Variants in TTN observed in about 807,000 individuals in gnomAD.
TTN encodes connectin.
TTN carries 1,525 observed loss-of-function variants against 3,223.0 expected under a neutral mutation model. The observed-to-expected ratio is 0.47, with a 90% CI of 0.45 to 0.49. The LOEUF (loss-of-function observed/expected upper bound fraction) is 0.49, where lower values mean the gene tolerates loss of function less well. TTN is among the 20% of genes least tolerant of loss of function. TTN has a pLI of 0.00. For synonymous variants in TTN, 14,094 were observed against 15,161.0 expected, an observed-to-expected ratio of 0.93 and a Z score of 5.17; for missense variants, 40,786 against 43,424.0, an observed-to-expected ratio of 0.94 and a Z score of 5.40.
Position 178,602,913 on chromosome 2 carries a change from A to G in TTN, c.54812-323T>C, listed in dbSNP as rs1285093099. Among the ~76,000 whole-genome samples, 4 of 152,024 alleles carry G rather than the reference A, an allele frequency of 2.6e-5. No individual in the cohort carries two copies. In the East Asian group the frequency reaches 5.8e-4, roughly 22 times the overall value. On this transcript the variant is annotated intron_variant, in intron 282 of 362. Coordinates refer to ENST00000589042, the MANE Select transcript of TTN (RefSeq NM_001267550.2). Reference sequence around the variant, plus strand: ...GAGATCCCTTTGAAGAAATTCTACAATAGCCTTTACTGAAAACATGATTTA... The same window carrying G: ...GAGATCCCTTTGAAGAAATTCTACAGTAGCCTTTACTGAAAACATGATTTA...
rs1292226345 is a variant in TTN at position 178,714,369 on chromosome 2, G to T, written c.26405C>A (p.Ala8802Asp). 1 of 1,613,746 alleles carries T rather than the reference G, an allele frequency of 6.2e-7. No individual in the cohort carries two copies. Among genetic ancestry groups the T allele is most frequent in the Non-Finnish European group, 8.5e-7 (1 of 1,179,752 alleles). The change falls in exon 91 of 363, where the codon GCC becomes GAC. Residue 8802 changes from alanine to aspartate, a missense_variant. Coordinates refer to ENST00000589042, the MANE Select transcript of TTN (RefSeq NM_001267550.2). Reference protein sequence around the residue: ...ATLQFSRVEPANAGKYTCQIK... With the variant: ...ATLQFSRVEPDNAGKYTCQIK... ...CTGACAAGTGTATTTTCCAGCATTG[G>T]CTGGTTCCACTCTTGAAAACTGTAA...
In TTN at chr2:178,675,122, A is replaced by C. The variant is rs1386127099; in HGVS notation, c.34538-9T>G. The C allele has an allele frequency of 6.5e-7, 1 of 1,546,064 alleles. No homozygotes were observed. Among genetic ancestry groups the C allele is most frequent in the Non-Finnish European group, 8.7e-7 (1 of 1,150,692 alleles). On this transcript the variant is annotated splice_polypyrimidine_tract_variant and intron_variant, in intron 149 of 362. Transcript: ENST00000589042. ...CTTAGGCACCTCAGGAACTTGAGAG[A>C]CATTGATTATTTTAGACACTTAAAA... is the stretch of plus-strand genomic sequence containing the variant.
intron 8 of TTN, among the ~76,000 whole-genome samples, 191 bp from the exon 9 acceptor site, chr2:178,793,732 G>A (rs888391001): frequency 2.6e-5 from 4 of 152,110 alleles, no homozygotes; most frequent in Admixed American, 6.6e-5. Flanking sequence ...CCCAGGAGGC[G>A]GAGGCTGCAG....
chr2:178,749,124 T>C (rs769501917), intron 47 of TTN: 1 of 1,612,820 alleles, frequency 6.2e-7, no homozygotes, highest in South Asian at 1.1e-5. Context: ...TCAGAAATTC[T>C]CTCAGAGTGA....
intron 240 of TTN, chr2:178,628,765 C>G (rs1272307476): frequency 6.6e-6 from 1 of 152,374 alleles, no homozygotes; most frequent in South Asian, 2.1e-4. Flanking sequence ...TTCCAGATAT[C>G]GCACAGCCCA....
rs1185236077 is a variant in TTN, at chr2:178,715,135, C to A, written c.26051G>T (p.Arg8684Met). Reference protein sequence around the residue: ...VSWYKDKRELRSGKKYKIMSE... With the variant: ...VSWYKDKRELMSGKKYKIMSE... Reference sequence around the variant, plus strand: ...CATTATCTTGTACTTCTTGCCGCTCCTAAGTTCTCTCTTGTCTTTATACCA... The same window carrying A: ...CATTATCTTGTACTTCTTGCCGCTCATAAGTTCTCTCTTGTCTTTATACCA... The change falls in exon 90 of 363, where the codon AGG becomes ATG. Residue 8684 changes from arginine (R) to methionine (M), a missense_variant. Transcript: ENST00000589042. The A allele has an allele frequency of 1.2e-6, 2 of 1,613,712 alleles. No individual in the cohort carries two copies. Among genetic ancestry groups the A allele is most frequent in the Non-Finnish European group, 1.7e-6 (2 of 1,179,722 alleles).
At chr2:178,670,560 T>C (rs1489245160) in intron 156 of TTN, among the ~76,000 whole-genome samples, 1 of 151,990 alleles carries the variant, frequency 6.6e-6, no homozygotes, top group Non-Finnish European at 1.5e-5. Flanking sequence ...TATTACTGTT[T>C]GTTTTTGTGG....
intron 237 of TTN, 34 bp from the exon 238 acceptor site, chr2:178,630,977 C>T (rs1352367803): frequency 1.2e-6 from 2 of 1,611,730 alleles, no homozygotes; most frequent in African/African-American, 1.3e-5. Context: ...GGGTCATTAG[C>T]CTCTGGCACA....
chr2:178,665,510 CATTA>C (rs773056141), intron 164 of TTN, 50 bp from the exon 165 acceptor site: 18 of 1,578,230 alleles, frequency 1.1e-5, no homozygotes. Context: ...TCAGTGGAGA[CATTA>C]ATTAAATGAG....
At chr2:178,692,452 C>A in intron 120 of TTN, 45 bp downstream of exon 120, 3 of 1,491,722 alleles carry the variant, frequency 2.0e-6, no homozygotes, top group Non-Finnish European at 9.2e-7. Flanking sequence ...GAAAAAGATA[C>A]AAGATGGATG....
chr2:178,579,048 A>G lies in TTN; in HGVS notation c.67982T>C (p.Met22661Thr), dbSNP rs929252811. 1.1e-5 allele frequency: 17 copies of G among 1,613,302 alleles called. No homozygotes were observed. Among genetic ancestry groups the G allele is most frequent in the Non-Finnish European group, 1.4e-5 (17 of 1,179,520 alleles). Residue 22661 changes from methionine to threonine, a missense_variant, in exon 320 of 363, where the codon ATG becomes ACG. By Grantham distance (81) the Met-to-Thr change is moderately conservative. Coordinates refer to ENST00000589042, the MANE Select transcript of TTN (RefSeq NM_001267550.2). ...CTTTGGAGGAGCCCACTTTAAGGTC[A>G]TGGCTTCTGCTGTGACTTCATCAAA... ...IKFDEVTAEA[M>T]TLKWAPPKDD... is the part of the protein sequence containing the mutation.
chr2:178,593,635 A>G lies in TTN; in HGVS notation c.58665T>C (p.His19555=). ...CACTTATTCCATACAGATTTTCAGCATGTATCCGGAAAATATAATCTTTTC... is the reference window on the plus strand; with the variant it reads ...CACTTATTCCATACAGATTTTCAGCGTGTATCCGGAAAATATAATCTTTTC... ...LEGKDYIFRI[H]AENLYGISDP... The change falls in exon 298 of 363, where the codon CAT becomes CAC. Residue 19555 remains histidine (H), a synonymous_variant. Transcript: ENST00000589042. 6.2e-7 allele frequency: 1 copy of G among 1,613,084 alleles called. No individual in the cohort carries two copies. The highest frequency in any genetic ancestry group is 8.5e-7 in the Non-Finnish European group (1 of 1,179,558).
chr2:178,665,626 T>G (rs1323486919), intron 164 of TTN, 82 bp downstream of exon 164: 2 of 1,255,858 alleles, frequency 1.6e-6, no homozygotes, highest in Non-Finnish European at 2.1e-6. Context: ...TTGTCTTTGT[T>G]TATTATTCTC....
intron 238 of TTN, 137 bp from the exon 239 acceptor site, chr2:178,630,504 T>A: frequency 8.3e-7 from 1 of 1,207,628 alleles, no homozygotes; most frequent in Non-Finnish European, 1.1e-6. Flanking sequence ...GCTCTTTTTT[T>A]AGGAAGTAAA....
At chr2:178,679,786 A>G in intron 140 of TTN, 104 bp from the exon 141 acceptor site, 2 of 1,540,684 alleles carry the variant, frequency 1.3e-6, no homozygotes, top group Non-Finnish European at 1.8e-6. Flanking sequence ...TATCTGCTTT[A>G]AAGTAAGCAA....
In TTN at chr2:178,622,624, A is replaced by G. The variant is rs1376196263; in HGVS notation, c.44913+46T>C. ...CATTTTGGCTAGACCAAAAGTAAAT[A>G]TAAAGTTATTTGACAGTACAAGATG... On this transcript the variant is annotated intron_variant, in intron 243 of 362. Coordinates refer to ENST00000589042, the MANE Select transcript of TTN (RefSeq NM_001267550.2). 8.1e-6 allele frequency: 12 copies of G among 1,487,720 alleles called. No homozygotes were observed. The Admixed American group carries it at 8.3e-5, about 10-fold the overall frequency. 92.2% of individuals were successfully genotyped at this position (1,487,720 alleles called of 1,614,324 possible).
At position 178,763,744 on chromosome 2, in the gene TTN, T is replaced by A. The variant is rs574957558; in HGVS notation, c.10114+433A>T. The stretch of plus-strand genomic sequence containing the variant: ...AGGATATTGTCTTCCAAAGGATACC[T>A]TTCACACAAGCATTGTCCATAGACT... On this transcript the variant is annotated intron_variant, in intron 43 of 362. Coordinates refer to ENST00000589042, the MANE Select transcript of TTN (RefSeq NM_001267550.2). Among the ~76,000 whole-genome samples, 193 of 152,214 alleles carry A rather than the reference T, an allele frequency of 1.3e-3. 1 individual carries two copies. Among genetic ancestry groups the A allele is most frequent in the Non-Finnish European group, 1.8e-3 (125 of 68,036 alleles).
chr2:178,758,772 C>A (rs1280171080), intron 44 of TTN: 3 of 590,744 alleles, frequency 5.1e-6, no homozygotes, highest in African/African-American at 1.9e-5. Context: ...AGAGAAAAAG[C>A]GGGGCCAAAT....
chr2:178,724,789 C>G (rs1416186654), intron 71 of TTN: 1 of 334,112 alleles, frequency 3.0e-6, no homozygotes, highest in Admixed American at 4.6e-5. Context: ...TCTTATGTAG[C>G]AATTATTCTT....
Sources: gnomAD v4.1 joint callset for allele counts (sites outside exome capture counted in the v4.1 genomes callset) on GRCh38, gnomAD v4.1.1 for gene constraint, MANE v1.5 for transcripts, NCBI Gene and HGNC (gene_info 2026-07-23, HGNC 2026-07-21) for gene names.